Variants in FAT1 observed in about 807,000 individuals in gnomAD.
FAT1 encodes the protein protocadherin Fat 1.
Under a neutral mutation model 329.8 loss-of-function variants are expected in FAT1, and 171 were observed. That is an observed-to-expected ratio of 0.52 (90% CI 0.46 to 0.59). FAT1 has a LOEUF of 0.59. FAT1 is among the 20% of genes least tolerant of loss of function. FAT1 has a pLI of 0.00. For missense variants in FAT1, 5,672 were observed against 5,774.4 expected, an observed-to-expected ratio of 0.98 and a Z score of 0.57; for synonymous variants, 2,233 against 2,228.6, an observed-to-expected ratio of 1.00 and a Z score of -0.06.
At chr4:186,666,194 A>G (rs1742433392) in intron 2 of FAT1, among the ~76,000 whole-genome samples, 1 of 152,056 alleles carries the variant, frequency 6.6e-6, no homozygotes, top group South Asian at 2.1e-4. Flanking sequence ...GTAAAAAAAA[A>G]AAAATGAAAT....
At chr4:186,715,135 C>T (rs186398377) in intron 1 of FAT1, among the ~76,000 whole-genome samples, 1 of 147,710 alleles carries the variant, frequency 6.8e-6, no homozygotes, top group African/African-American at 2.7e-5. Context: ...TCCATCCCCC[C>T]ACCAGAAGGC....
In FAT1 at chr4:186,620,770, T is replaced by C; in HGVS notation, c.5816A>G (p.Gln1939Arg). Residue 1939 changes from glutamine to arginine, a missense_variant, in exon 10 of 27, where the codon CAA (glutamine) becomes CGA (arginine). This residue lies in a region of FAT1 where 3,966 missense variants were observed against 3,915.2 expected (regional missense o/e 1.01). Coordinates refer to ENST00000441802, the MANE Select transcript of FAT1 (RefSeq NM_005245.4). ...GCGGCTTCTTAACTGAGTTGTGTTT[T>C]GGACAGTGAGAGCACCAGTCTTGTA... Reference protein sequence around the residue: ...MDYKTGALTVQNTTQLRSRYE... With the variant: ...MDYKTGALTVRNTTQLRSRYE... 4 of 1,614,072 alleles carry C rather than the reference T, an allele frequency of 2.5e-6. No individual in the cohort carries two copies. The highest frequency in any genetic ancestry group is 2.2e-5 in the East Asian group (1 of 44,884).
Position 186,588,947 on chromosome 4 carries a change from G to A in FAT1, c.13412C>T (p.Ala4471Val), listed in dbSNP as rs375425015. The change falls in exon 27 of 27, where the codon GCG becomes GTG. Residue 4471 changes from alanine (A) to valine (V), a missense_variant. Around this residue, in one of 2 missense-constraint regions of FAT1, gnomAD observed 1,706 missense variants for 1,859.1 expected, o/e 0.92. Coordinates refer to ENST00000441802, the MANE Select transcript of FAT1 (RefSeq NM_005245.4). ...SIHPPRDMPA[A>V]GSLGSSSRNR... ...TCTTGATGAAGAACCCAAGCTACCC[G>A]CGGCAGGCATGTCTCTAGGAGGGTG... 38 of 1,613,968 alleles carry A rather than the reference G, an allele frequency of 2.4e-5. No individual in the cohort carries two copies. Among genetic ancestry groups the A allele is most frequent in the African/African-American group, 4.0e-5 (3 of 75,032 alleles).
Position 186,596,700 on chromosome 4 carries a change from C to A in FAT1, c.12840G>T (p.Glu4280Asp). 2 of 1,613,720 alleles carry A rather than the reference C, an allele frequency of 1.2e-6. No individual in the cohort carries two copies. The highest frequency in any genetic ancestry group is 1.7e-6 in the Non-Finnish European group (2 of 1,179,730). ...RNSFEGSAIP[E>D]HPEFSTFNPE... Reference sequence around the variant, plus strand: ...GGTTAAAAGTGCTGAATTCGGGATGCTCTGGGATAGCAGATCCTTCGAAGG... The same window carrying A: ...GGTTAAAAGTGCTGAATTCGGGATGATCTGGGATAGCAGATCCTTCGAAGG... The change falls in exon 25 of 27, where the codon GAG (glutamate) becomes GAT (aspartate). Residue 4280 changes from glutamate to aspartate, a missense_variant. Coordinates refer to ENST00000441802, the MANE Select transcript of FAT1 (RefSeq NM_005245.4). The surrounding 1 kb of genome is among the most constrained non-coding windows in gnomAD (Gnocchi z 4.7).
chr4:186,639,693 T>C, intron 4 of FAT1, 29 bp downstream of exon 4: 1 of 1,477,322 alleles, frequency 6.8e-7, no homozygotes, highest in Non-Finnish European at 9.4e-7. Flanking sequence ...TACGAATCTT[T>C]AAGTATTAAA....
intron 9 of FAT1, among the ~76,000 whole-genome samples, chr4:186,625,786 A>G (rs1355882656): frequency 6.6e-6 from 1 of 152,234 alleles, no homozygotes; most frequent in Non-Finnish European, 1.5e-5. Flanking sequence ...GTGACTTCTG[A>G]TTGTACAGAC....
chr4:186,611,277 A>T, intron 14 of FAT1, 109 bp downstream of exon 14: 1 of 970,302 alleles, frequency 1.0e-6, no homozygotes, highest in Non-Finnish European at 1.5e-6. Context: ...TGCCTTTTTT[A>T]GAACATCTAC....
chr4:186,617,632 C>A, intron 10 of FAT1, 76 bp downstream of exon 10: 1 of 1,217,728 alleles, frequency 8.2e-7, no homozygotes, highest in Non-Finnish European at 1.1e-6. Context: ...AATTTCCATA[C>A]AATACAGATC....
upstream of FAT1, among the ~76,000 whole-genome samples, chr4:186,725,007 G>A (rs999437291): frequency 6.6e-6 from 1 of 152,118 alleles, no homozygotes; most frequent in African/African-American, 2.4e-5. This position sits in a 1 kb window ranked among gnomAD's most constrained non-coding sequence, Gnocchi z 5.4. Flanking sequence ...TAATAAAGGT[G>A]TCTAGCAGGT....
chr4:186,712,908 G>A (rs973353937), intron 1 of FAT1, among the ~76,000 whole-genome samples: 3 of 151,360 alleles, frequency 2.0e-5, no homozygotes, highest in East Asian at 1.9e-4. Flanking sequence ...AAGAGACCAC[G>A]TGGCTGGAGC....
rs925272643 is a variant in FAT1, at chr4:186,617,096, G to T, written c.8984C>A (p.Thr2995Asn). 4 of 1,613,854 alleles carry T rather than the reference G, an allele frequency of 2.5e-6. No individual in the cohort carries two copies. In the African/African-American group the frequency reaches 4.0e-5, roughly 16 times the overall value. The change falls in exon 11 of 27, where the codon ACT becomes AAT. Residue 2995 changes from threonine (T) to asparagine (N), a missense_variant. Around this residue, in one of 2 missense-constraint regions of FAT1, gnomAD observed 3,966 missense variants for 3,915.2 expected, o/e 1.01. Coordinates refer to ENST00000441802, the MANE Select transcript of FAT1 (RefSeq NM_005245.4). ...GAAGGTGCCATCAGTTGCCGTGATAGTAAGAAGGTAATTGTCCCTTTTTTC... is the reference window on the plus strand; with the variant it reads ...GAAGGTGCCATCAGTTGCCGTGATATTAAGAAGGTAATTGTCCCTTTTTTC... ...DREKRDNYLL[T>N]ITATDGTFSS...
In FAT1 at chr4:186,600,365, G is replaced by A. The variant is rs2126415536; in HGVS notation, c.11641-5C>T. On this transcript the variant is annotated splice_region_variant and splice_polypyrimidine_tract_variant and intron_variant, in intron 21 of 26. Transcript: ENST00000441802. ...CTGCAGCCTTCCATGATGAATCTAG[G>A]ATAAAAGCAATGACTGTTCACATTA... 6.2e-7 allele frequency: 1 copy of A among 1,604,428 alleles called. No individual in the cohort carries two copies. Among genetic ancestry groups the A allele is most frequent in the South Asian group, 1.1e-5 (1 of 89,246 alleles).
intron 1 of FAT1, among the ~76,000 whole-genome samples, chr4:186,721,595 G>C (rs1271600988): frequency 6.6e-6 from 1 of 152,236 alleles, no homozygotes; most frequent in Non-Finnish European, 1.5e-5. Context: ...ATGCCACTGA[G>C]ACAGAATCTA....
At position 186,618,519 on chromosome 4, in the gene FAT1, G is replaced by C. The variant is rs749684398; in HGVS notation, c.8067C>G (p.Val2689=). Residue 2689 remains valine (V), a synonymous_variant, in exon 10 of 27, where the codon GTC becomes GTG. Transcript: ENST00000441802. ...GSPSKESVVL[V]YVKILPPEMQ... The stretch of plus-strand genomic sequence containing the variant: ...TTTCCGGTGGAAGGATTTTAACATA[G>C]ACAAGAACAACAGATTCTTTTGATG... The C allele has an allele frequency of 6.2e-7, 1 of 1,614,008 alleles. No homozygotes were observed. The highest frequency in any genetic ancestry group is 8.5e-7 in the Non-Finnish European group (1 of 1,179,886).
chr4:186,590,967 C>T (rs530374808), intron 26 of FAT1, among the ~76,000 whole-genome samples: 1 of 152,192 alleles, frequency 6.6e-6, no homozygotes, highest in African/African-American at 2.4e-5. Flanking sequence ...TGAGCCATTC[C>T]CTAAAGAGAC....
rs113956544 is a variant in FAT1 at position 186,642,015 on chromosome 4, A to C, written c.3581-2232T>G. On this transcript the variant is annotated intron_variant, in intron 3 of 26. Transcript: ENST00000441802. ...GAGCAAAACTCTGTCAAAAAAAAAA[A>C]AACAAAATCCACATAAAGCCAAAAG... Among the ~76,000 whole-genome samples the C allele has an allele frequency of 8.7e-3, 1,329 of 151,986 alleles. 15 individuals are homozygous for C. The highest frequency in any genetic ancestry group is 0.027 in the African/African-American group (1,115 of 41,466).
At chr4:186,611,920 T>C in intron 13 of FAT1, 145 bp from the exon 14 acceptor site, 1 of 596,360 alleles carries the variant, frequency 1.7e-6, no homozygotes, top group Non-Finnish European at 2.9e-6. Flanking sequence ...GTCCCCCAGG[T>C]TCAAGCAATT....
intron 14 of FAT1, among the ~76,000 whole-genome samples, 188 bp downstream of exon 14, chr4:186,611,198 A>G (rs897384491): frequency 6.6e-5 from 10 of 152,220 alleles, no homozygotes; most frequent in Non-Finnish European, 1.5e-4. Flanking sequence ...TGTATTAAGT[A>G]GAACTATAAT....
At chr4:186,688,693 T>C (rs73015634) in intron 2 of FAT1, among the ~76,000 whole-genome samples, 3,917 of 120,386 alleles carry the variant, frequency 0.033, 196 homozygotes, top group African/African-American at 0.12. Context: ...GCTGCTACAG[T>C]AGACTTTCCA....
Sources: allele counts gnomAD v4.1 joint callset (sites outside exome capture counted in the v4.1 genomes callset), GRCh38; gene constraint gnomAD v4.1.1; regional missense constraint gnomAD v4.1.1; non-coding constraint Gnocchi (gnomAD v3.1); transcripts MANE v1.5; gene names NCBI Gene and HGNC (gene_info 2026-07-23, HGNC 2026-07-21).